ARHGAP6: variants seen among roughly 807,000 people sequenced by gnomAD.
ARHGAP6 encodes rho GTPase-activating protein 6.
A neutral mutation model predicts 55.7 loss-of-function variants in ARHGAP6; 16 were observed. The ratio of observed to expected loss-of-function variants is 0.29; its 90% CI spans 0.19 to 0.44. The LOEUF is 0.44. Ranked by LOEUF, ARHGAP6 falls within the 20% of genes least tolerant of loss-of-function variation. The probability of loss-of-function intolerance (pLI) is 1.00; values close to 1 mark genes in which losing one functional copy is unlikely to be tolerated. For synonymous variants in ARHGAP6, 382 were observed against 360.9 expected, an observed-to-expected ratio of 1.06 and a Z score of -0.66; for missense variants, 698 against 808.9, an observed-to-expected ratio of 0.86 and a Z score of 1.66.
At position 11,160,374 on chromosome X, in the gene ARHGAP6, G is replaced by A. The variant is rs760796534; in HGVS notation, c.1810-3748C>T. Among the ~76,000 whole-genome samples, 8 of 107,957 alleles carry A rather than the reference G, an allele frequency of 7.4e-5. No individual in the cohort carries two copies. The East Asian group carries it at 8.7e-4, about 12-fold the overall frequency. The allele number at this position is 107,957 out of a possible 115,157, so 93.7% of individuals were successfully genotyped here. ...TGGGAGGCTGAGGCAGAAGAATGGCGTGAATCCGGGAGACGGAGCTTGCAG... is the reference window on the plus strand; with the variant it reads ...TGGGAGGCTGAGGCAGAAGAATGGCATGAATCCGGGAGACGGAGCTTGCAG... On this transcript the variant is annotated intron_variant, in intron 9 of 12. Transcript: ENST00000337414.
intron 2 of ARHGAP6, among the ~76,000 whole-genome samples, chrX:11,221,983 T>G (rs2046979023): frequency 1.8e-5 from 2 of 111,370 alleles, no homozygotes; most frequent in Admixed American, 9.6e-5. Flanking sequence ...TGTTCCTAAT[T>G]TAGCTATTCT....
At chrX:11,444,695 C>T (rs1166609778) in intron 1 of ARHGAP6, among the ~76,000 whole-genome samples, 1 of 112,100 alleles carries the variant, frequency 8.9e-6, no homozygotes, top group African/African-American at 3.2e-5. Flanking sequence ...CTTGTCTTCA[C>T]ATTTCCAGGT....
chrX:11,624,991 C>A (rs1382916291), intron 1 of ARHGAP6, among the ~76,000 whole-genome samples: 1 of 111,631 alleles, frequency 9.0e-6, no homozygotes, highest in African/African-American at 3.3e-5. Context: ...TGGCTTATAT[C>A]CAAAAGACAG....
At chrX:11,379,266 A>G (rs893751032) in intron 1 of ARHGAP6, among the ~76,000 whole-genome samples, 1 of 112,318 alleles carries the variant, frequency 8.9e-6, no homozygotes, top group Non-Finnish European at 1.9e-5. Context: ...TCACTTCTCC[A>G]TGTCCCTATT....
At chrX:11,344,695 A>AGAAAAAG (rs1369430849) in intron 1 of ARHGAP6, among the ~76,000 whole-genome samples, 1 of 99,300 alleles carries the variant, frequency 1.0e-5, no homozygotes, top group African/African-American at 4.1e-5. Context: ...AAAAAAAAAA[A>AGAAAAAG]AAAAAAAAAG....
chrX:11,369,850 TGAGCAGAG>T, intron 1 of ARHGAP6, among the ~76,000 whole-genome samples: 1 of 112,222 alleles, frequency 8.9e-6, no homozygotes. Flanking sequence ...CAAAGGGTAA[TGAGCAGAG>T]ATATATTTTG....
At chrX:11,223,351 C>T in intron 2 of ARHGAP6, 1 of 138,534 alleles carries the variant, frequency 7.2e-6, no homozygotes, top group Non-Finnish European at 1.5e-5. Context: ...CAAAAACTAT[C>T]TTGTACATAT....
intron 1 of ARHGAP6, among the ~76,000 whole-genome samples, chrX:11,534,318 T>C (rs1601622287): frequency 9.0e-6 from 1 of 111,635 alleles, no homozygotes; most frequent in African/African-American, 3.3e-5. Flanking sequence ...CTAGAGAAGA[T>C]GCTTACACCC....
chrX:11,306,879 G>A (rs2048243304), intron 1 of ARHGAP6, among the ~76,000 whole-genome samples: 1 of 111,844 alleles, frequency 8.9e-6, no homozygotes, highest in Admixed American at 9.5e-5. Context: ...ATGCTCTGTA[G>A]TTGCATGAGG....
intron 1 of ARHGAP6, among the ~76,000 whole-genome samples, chrX:11,573,505 G>T (rs899873540): frequency 1.8e-5 from 2 of 108,775 alleles, no homozygotes; most frequent in Non-Finnish European, 3.8e-5. Flanking sequence ...TAGATATGCG[G>T]CGTTATTTCT....
At chrX:11,471,566 T>A (rs2050347030) in intron 1 of ARHGAP6, among the ~76,000 whole-genome samples, 1 of 112,419 alleles carries the variant, frequency 8.9e-6, no homozygotes, top group African/African-American at 3.2e-5. Flanking sequence ...GTGAATAAAT[T>A]ATAAAATTTT....
intron 9 of ARHGAP6, among the ~76,000 whole-genome samples, chrX:11,168,375 C>T (rs781033228): frequency 1.9e-4 from 21 of 112,214 alleles, no homozygotes; most frequent in African/African-American, 6.1e-4. Context: ...TGGTCACCAC[C>T]CTGAGAATTA....
intron 1 of ARHGAP6, among the ~76,000 whole-genome samples, chrX:11,621,964 TAGA>T (rs2052235765): frequency 8.9e-6 from 1 of 111,732 alleles, no homozygotes; most frequent in Non-Finnish European, 1.9e-5. Flanking sequence ...CAACAAATGG[TAGA>T]AGAACCTGAA....
At chrX:11,662,258 C>T (rs2052710775) in intron 1 of ARHGAP6, among the ~76,000 whole-genome samples, 1 of 111,875 alleles carries the variant, frequency 8.9e-6, no homozygotes, top group African/African-American at 3.3e-5. Context: ...GGGCGTTAAA[C>T]CTTTGAAAGG....
At chrX:11,283,350 G>A (rs1348880374) in intron 1 of ARHGAP6, among the ~76,000 whole-genome samples, 2 of 111,885 alleles carry the variant, frequency 1.8e-5, no homozygotes, top group African/African-American at 6.5e-5. Context: ...GGCCAAGTTT[G>A]GAGGATTTTG....
chrX:11,342,649 T>G (rs920243268), intron 1 of ARHGAP6, among the ~76,000 whole-genome samples: 1 of 112,239 alleles, frequency 8.9e-6, no homozygotes, highest in African/African-American at 3.2e-5. Context: ...AAATAAGGGA[T>G]GGGTACTCTT....
intron 1 of ARHGAP6, among the ~76,000 whole-genome samples, chrX:11,505,063 T>C (rs1244575168): frequency 9.0e-6 from 1 of 110,821 alleles, no homozygotes; most frequent in Non-Finnish European, 1.9e-5. Flanking sequence ...ACCAACATAA[T>C]GAAGGAAGGC....
chrX:11,332,206 C>A (rs1270213338), intron 1 of ARHGAP6, among the ~76,000 whole-genome samples: 1 of 111,841 alleles, frequency 8.9e-6, no homozygotes, highest in African/African-American at 3.3e-5. Context: ...TAGATCCATC[C>A]CCTAGAAATA....
intron 3 of ARHGAP6, among the ~76,000 whole-genome samples, chrX:11,194,655 A>G (rs1423991581): frequency 2.7e-5 from 3 of 112,232 alleles, no homozygotes; most frequent in Non-Finnish European, 5.6e-5. Flanking sequence ...AATACACAGG[A>G]CAGCCCCTAC....
Sources: gnomAD v4.1 joint callset for allele counts (sites outside exome capture counted in the v4.1 genomes callset) on GRCh38, gnomAD v4.1.1 for gene constraint, MANE v1.5 for transcripts, NCBI Gene and HGNC (gene_info 2026-07-23, HGNC 2026-07-21) for gene names.